Variants in OSMR observed in about 807,000 individuals in gnomAD.
OSMR encodes the protein oncostatin M receptor.
Under a neutral mutation model 99.9 loss-of-function variants are expected in OSMR, and 81 were observed. That is an observed-to-expected ratio of 0.81 (90% CI 0.68 to 0.97). The LOEUF is 0.97. OSMR is among the 50% of genes least tolerant of loss of function. The pLI, the probability that OSMR is intolerant of heterozygous loss-of-function variation, is 0.00. For missense variants in OSMR, 1,099 were observed against 1,153.4 expected (o/e 0.95, Z 0.68); for synonymous variants, 406 against 410.4 (o/e 0.99, Z 0.13).
At chr5:38,925,439 T>C in intron 15 of OSMR, 68 bp downstream of exon 15, 1 of 1,369,060 alleles carries the variant, frequency 7.3e-7, no homozygotes, top group Non-Finnish European at 1.0e-6. Context: ...ACAGAAGTGT[T>C]GACTTAGGCT....
At chr5:38,913,131 T>A (rs1745690476) in intron 9 of OSMR, among the ~76,000 whole-genome samples, 1 of 151,600 alleles carries the variant, frequency 6.6e-6, no homozygotes, top group Non-Finnish European at 1.5e-5. Flanking sequence ...ATCAAAAGAG[T>A]AAGCAACAAC....
chr5:38,856,107 G>A (rs1180820528), intron 1 of OSMR, among the ~76,000 whole-genome samples: 1 of 152,110 alleles, frequency 6.6e-6, no homozygotes, highest in Non-Finnish European at 1.5e-5. Flanking sequence ...GGAAACAGTT[G>A]GCACACTTGG....
chr5:38,900,436 T>C (rs1744820537), intron 7 of OSMR, among the ~76,000 whole-genome samples: 1 of 152,218 alleles, frequency 6.6e-6, no homozygotes, highest in Admixed American at 6.5e-5. Flanking sequence ...TTTCATATAA[T>C]TGTTAATCTG....
chr5:38,930,529 T>G (rs1376768916), intron 15 of OSMR, among the ~76,000 whole-genome samples: 1 of 152,156 alleles, frequency 6.6e-6, no homozygotes, highest in Admixed American at 6.5e-5. Context: ...GAATCATATG[T>G]AGATGTGAAT....
chr5:38,925,495 C>A, intron 15 of OSMR, 124 bp downstream of exon 15: 1 of 812,606 alleles, frequency 1.2e-6, no homozygotes. Context: ...CCCTTCTCAC[C>A]TCCCTCTTTC....
At chr5:38,890,110 T>G (rs1220546548) in intron 7 of OSMR, among the ~76,000 whole-genome samples, 4 of 152,228 alleles carry the variant, frequency 2.6e-5, no homozygotes, top group African/African-American at 9.6e-5. Flanking sequence ...AAATTCACTG[T>G]GGTCGTAGAA....
At position 38,923,133 on chromosome 5, in the gene OSMR, T is replaced by C. The variant is rs775967283; in HGVS notation, c.1766-17T>C. ...CATCATTCTGTTATTAAAAATCTGT[T>C]GACTTTTTTTCCCTAGATGCTTTTA... On this transcript the variant is annotated splice_polypyrimidine_tract_variant and intron_variant, in intron 12 of 17. Transcript: ENST00000274276. The C allele has an allele frequency of 1.2e-6, 2 of 1,612,410 alleles. No homozygotes were observed. The highest frequency in any genetic ancestry group is 1.7e-4 in the Middle Eastern group (1 of 6,060).
intron 1 of OSMR, among the ~76,000 whole-genome samples, chr5:38,851,991 G>A (rs1345410502): frequency 6.6e-6 from 1 of 152,186 alleles, no homozygotes; most frequent in Non-Finnish European, 1.5e-5. Flanking sequence ...CAACCACGTG[G>A]AACTGTGAGT....
chr5:38,928,991 G>A (rs2112688056), intron 15 of OSMR, among the ~76,000 whole-genome samples: 1 of 151,976 alleles, frequency 6.6e-6, no homozygotes, highest in Admixed American at 6.6e-5. Flanking sequence ...CATTAGCCCT[G>A]GCTTGGCTTG....
At chr5:38,904,845 A>T (rs1324287832) in intron 9 of OSMR, among the ~76,000 whole-genome samples, 1 of 152,206 alleles carries the variant, frequency 6.6e-6, no homozygotes. Flanking sequence ...GTTAATGACA[A>T]GGAAAGCATT....
intron 15 of OSMR, among the ~76,000 whole-genome samples, chr5:38,931,525 G>A (rs1053952555): frequency 6.6e-6 from 1 of 152,146 alleles, no homozygotes; most frequent in Non-Finnish European, 1.5e-5. Flanking sequence ...CCAAGCCAAT[G>A]CACATGGCTG....
intron 1 of OSMR, among the ~76,000 whole-genome samples, chr5:38,847,509 G>T (rs988100243): frequency 3.9e-5 from 6 of 152,234 alleles, no homozygotes; most frequent in Middle Eastern, 3.4e-3. Flanking sequence ...ACTGGGTGGG[G>T]TGTTTCATTA....
intron 1 of OSMR, among the ~76,000 whole-genome samples, chr5:38,851,171 AAGACTGAGCTT>A (rs1740320609): frequency 6.6e-6 from 1 of 152,178 alleles, no homozygotes; most frequent in Non-Finnish European, 1.5e-5. Flanking sequence ...CCACTTGCAC[AAGACTGAGCTT>A]AATATGTTTA....
At chr5:38,917,718 T>G in intron 10 of OSMR, 96 bp downstream of exon 10, 2 of 946,244 alleles carry the variant, frequency 2.1e-6, no homozygotes, top group Non-Finnish European at 1.7e-6. Flanking sequence ...ATTGGTTCAG[T>G]GTCCCAACTG....
intron 7 of OSMR, 64 bp downstream of exon 7, chr5:38,886,254 G>T: frequency 1.2e-6 from 2 of 1,612,342 alleles, no homozygotes; most frequent in South Asian, 2.2e-5. Context: ...CAGACTGTGT[G>T]ATCAAGTAAA....
chr5:38,898,950 CTTT>C (rs58159819), intron 7 of OSMR, among the ~76,000 whole-genome samples: 10 of 78,288 alleles, frequency 1.3e-4, no homozygotes, highest in African/African-American at 5.6e-4. Context: ...TACATAATAT[CTTT>C]TTTTTTTTTT....
intron 5 of OSMR, among the ~76,000 whole-genome samples, chr5:38,884,406 C>G (rs1350027577): frequency 6.6e-6 from 1 of 152,154 alleles, no homozygotes; most frequent in Non-Finnish European, 1.5e-5. Flanking sequence ...CCCAGCCATG[C>G]TGGAATTACT....
At position 38,885,494 on chromosome 5, in the gene OSMR, C is replaced by T. The variant is rs1289431021; in HGVS notation, c.839+10C>T. Reference sequence around the variant, plus strand: ...ACACTTTATTTGAATCGTAAGTTGGCTCTGGTTACATTATTGACAACTTCT... The same window carrying T: ...ACACTTTATTTGAATCGTAAGTTGGTTCTGGTTACATTATTGACAACTTCT... On this transcript the variant is annotated intron_variant, in intron 6 of 17. Transcript: ENST00000274276. The T allele has an allele frequency of 6.2e-7, 1 of 1,613,918 alleles. No homozygotes were observed. Among genetic ancestry groups the T allele is most frequent in the Non-Finnish European group, 8.5e-7 (1 of 1,179,876 alleles).
At chr5:38,925,167 T>G in intron 14 of OSMR, 37 bp from the exon 15 acceptor site, 1 of 1,612,754 alleles carries the variant, frequency 6.2e-7, no homozygotes, top group Non-Finnish European at 8.5e-7. Context: ...TAAAATCTTT[T>G]TTTTCCTTGA....
Sources: allele counts gnomAD v4.1 joint callset (sites outside exome capture counted in the v4.1 genomes callset), GRCh38; gene constraint gnomAD v4.1.1; transcripts MANE v1.5; gene names NCBI Gene and HGNC (gene_info 2026-07-23, HGNC 2026-07-21).